CCR5AS: variants seen among roughly 807,000 people sequenced by gnomAD.
The protein encoded by CCR5AS is CCR5 antisense RNA.
chr3:46,394,061 A>G (rs567951406), intron 1 of CCR5AS, among the ~76,000 whole-genome samples: 2 of 152,266 alleles, frequency 1.3e-5, no homozygotes, highest in East Asian at 3.9e-4. Flanking sequence ...CCCCACAGTT[A>G]CTAATTCCAG....
chr3:46,402,461 ACATTTCC>A (rs1388472736), intron 1 of CCR5AS, among the ~76,000 whole-genome samples: 1 of 152,234 alleles, frequency 6.6e-6, no homozygotes, highest in African/African-American at 2.4e-5. Flanking sequence ...TAGTTTTTCT[ACATTTCC>A]CATTAAGAAG....
chr3:46,388,388 T>C (rs1701880662), intron 2 of CCR5AS, among the ~76,000 whole-genome samples: 1 of 152,144 alleles, frequency 6.6e-6, no homozygotes, highest in East Asian at 1.9e-4. Flanking sequence ...GGATGCAGTT[T>C]TGTATGAATT....
chr3:46,374,956 C>T (rs1701732723), intron 2 of CCR5AS: 1 of 167,430 alleles, frequency 6.0e-6, no homozygotes, highest in African/African-American at 2.4e-5. Flanking sequence ...GATGCAGAGT[C>T]AGCAGAACTG....
chr3:46,373,018 T>C (rs779570167), intron 2 of CCR5AS: 8 of 1,614,162 alleles, frequency 5.0e-6, no homozygotes, highest in Non-Finnish European at 5.9e-6. Context: ...CTCTACTCAC[T>C]GGTGTTCATC....
At chr3:46,406,415 G>T (rs1330420587) in intron 1 of CCR5AS, among the ~76,000 whole-genome samples, 3 of 151,334 alleles carry the variant, frequency 2.0e-5, no homozygotes, top group East Asian at 3.9e-4. Context: ...TCCAGACCGT[G>T]CCCTCCCCGT....
intron 2 of CCR5AS, among the ~76,000 whole-genome samples, chr3:46,379,768 G>A (rs1701800143): frequency 6.6e-6 from 1 of 152,052 alleles, no homozygotes; most frequent in African/African-American, 2.4e-5. Flanking sequence ...GTGGTGGCGG[G>A]TGCTTGTAAT....
At chr3:46,389,117 CTCTGT>C (rs1701886634) in intron 2 of CCR5AS, among the ~76,000 whole-genome samples, 1 of 117,900 alleles carries the variant, frequency 8.5e-6, no homozygotes, top group Non-Finnish European at 1.8e-5. Context: ...CTGCGTAGAG[CTCTGT>C]TGCAAAAAGT....
intron 2 of CCR5AS, among the ~76,000 whole-genome samples, chr3:46,379,388 T>C (rs957773437): frequency 3.3e-5 from 5 of 152,122 alleles, no homozygotes; most frequent in African/African-American, 9.7e-5. Flanking sequence ...TGTCCAACAA[T>C]GATAGACTGG....
intron 2 of CCR5AS, among the ~76,000 whole-genome samples, chr3:46,379,578 A>G (rs1243788347): frequency 6.6e-6 from 1 of 152,192 alleles, no homozygotes; most frequent in Non-Finnish European, 1.5e-5. Flanking sequence ...CCTTCAGGGA[A>G]GAGGTGCAGC....
At chr3:46,396,239 G>C (rs1372063220) in intron 1 of CCR5AS, among the ~76,000 whole-genome samples, 9 of 152,160 alleles carry the variant, frequency 5.9e-5, no homozygotes, top group African/African-American at 2.2e-4. Flanking sequence ...ACCAGTGTCT[G>C]CCCAACTCGA....
intron 2 of CCR5AS, among the ~76,000 whole-genome samples, chr3:46,384,894 T>C (rs1559572473): frequency 1.4e-5 from 2 of 143,458 alleles, no homozygotes; most frequent in African/African-American, 5.1e-5. Flanking sequence ...GATAGATAGA[T>C]AGATAGATAG....
intron 2 of CCR5AS, among the ~76,000 whole-genome samples, chr3:46,388,533 T>C (rs1028170382): frequency 2.0e-5 from 3 of 152,182 alleles, no homozygotes; most frequent in African/African-American, 7.2e-5. Flanking sequence ...ATTTGCTTGG[T>C]TGGTGAGTTT....
chr3:46,372,140 G>A (rs754190014), intron 2 of CCR5AS, among the ~76,000 whole-genome samples: 21 of 152,146 alleles, frequency 1.4e-4, no homozygotes, highest in Non-Finnish European at 1.3e-4. Context: ...AACAGTGATT[G>A]GCATCCAGTA....
chr3:46,375,666 G>C (rs556971174), intron 2 of CCR5AS: 24 of 162,770 alleles, frequency 1.5e-4, no homozygotes, highest in South Asian at 4.6e-4. Flanking sequence ...GAATGGGGGT[G>C]GGGGGGGCGC....
At chr3:46,382,510 A>G (rs1189064876) in intron 2 of CCR5AS, among the ~76,000 whole-genome samples, 1 of 152,230 alleles carries the variant, frequency 6.6e-6, no homozygotes, top group Non-Finnish European at 1.5e-5. Context: ...CCTTGGCATG[A>G]GGCAACGAAC....
chr3:46,399,340 C>T (rs952476651), intron 1 of CCR5AS, among the ~76,000 whole-genome samples: 18 of 152,098 alleles, frequency 1.2e-4, no homozygotes, highest in African/African-American at 4.3e-4. Context: ...TGGGTGAACC[C>T]AGGGAGACCA....
intron 2 of CCR5AS, among the ~76,000 whole-genome samples, chr3:46,376,671 A>C (rs970534177): frequency 5.9e-5 from 9 of 152,218 alleles, no homozygotes; most frequent in African/African-American, 1.9e-4. Flanking sequence ...TCTTTCATTT[A>C]AAATCCCTCC....
chr3:46,394,975 C>T (rs1370803695), intron 1 of CCR5AS, among the ~76,000 whole-genome samples: 2 of 151,906 alleles, frequency 1.3e-5, no homozygotes, highest in Non-Finnish European at 2.9e-5. Flanking sequence ...TTGCCCCTGG[C>T]GATGTGGAGA....
chr3:46,392,224 C>T (rs1701919754), intron 2 of CCR5AS, among the ~76,000 whole-genome samples: 2 of 152,330 alleles, frequency 1.3e-5, no homozygotes, highest in South Asian at 2.1e-4. Flanking sequence ...GAGCTACCCA[C>T]TCCACATTAC....
Sources: allele counts gnomAD v4.1 joint callset (sites outside exome capture counted in the v4.1 genomes callset), GRCh38; gene constraint gnomAD v4.1.1; transcripts MANE v1.5; gene names NCBI Gene and HGNC (gene_info 2026-07-23, HGNC 2026-07-21).